The following CXXC5 variants were observed in gnomAD, a reference collection of about 807,000 sequenced individuals.
The protein encoded by CXXC5 is CXXC-type zinc finger protein 5.
Under a neutral mutation model 17.6 loss-of-function variants are expected in CXXC5, and 2 were observed. The ratio of observed to expected loss-of-function variants is 0.11; its 90% CI spans 0.05 to 0.36. CXXC5 has a LOEUF of 0.36. CXXC5 is among the 10% of genes least tolerant of loss of function. CXXC5 has a pLI of 1.00. For synonymous variants in CXXC5, 171 were observed against 193.0 expected (o/e 0.89, Z 0.94); for missense variants, 343 against 458.3 (o/e 0.75, Z 2.30).
chr5:139,656,358 G>A (rs1172987830), intron 1 of CXXC5, among the ~76,000 whole-genome samples: 1 of 152,248 alleles, frequency 6.6e-6, no homozygotes, highest in East Asian at 1.9e-4. Flanking sequence ...GCCTCAGTGG[G>A]CTTGAGTGGC....
At chr5:139,650,509 C>T (rs1159768091) in intron 1 of CXXC5, among the ~76,000 whole-genome samples, 1 of 152,222 alleles carries the variant, frequency 6.6e-6, no homozygotes, top group South Asian at 2.1e-4. Context: ...CAAACAGAGT[C>T]CCTTTCAAGT....
chr5:139,650,483 G>T (rs1755106544), intron 1 of CXXC5, among the ~76,000 whole-genome samples: 1 of 152,220 alleles, frequency 6.6e-6, no homozygotes, highest in African/African-American at 2.4e-5. Flanking sequence ...CGCCGGAGCC[G>T]CCCCAGGGCC....
rs1581604855 is a variant in CXXC5 at position 139,670,975 on chromosome 5, C to G, written c.-160-9389C>G. Among the ~76,000 whole-genome samples the G allele has an allele frequency of 6.6e-6, 1 of 152,208 alleles. No homozygotes were observed. The highest frequency in any genetic ancestry group is 2.1e-4 in the South Asian group (1 of 4,832). The stretch of plus-strand genomic sequence containing the variant: ...ACCATACACACTCCAGCCCCCTGAG[C>G]CCGCTCCCAGGTGCCCAGCATCCTT... On this transcript the variant is annotated intron_variant, in intron 1 of 2. Transcript: ENST00000302517. This position sits in a 1 kb window ranked among gnomAD's most constrained non-coding sequence, Gnocchi z 4.2.
chr5:139,662,549 G>A (rs910654239), intron 1 of CXXC5, among the ~76,000 whole-genome samples: 1 of 152,154 alleles, frequency 6.6e-6, no homozygotes, highest in Non-Finnish European at 1.5e-5. Flanking sequence ...GGTCATTCTG[G>A]GCCTACAGTA....
intron 1 of CXXC5, among the ~76,000 whole-genome samples, chr5:139,674,453 T>A (rs771219104): frequency 1.1e-4 from 16 of 152,092 alleles, no homozygotes; most frequent in Non-Finnish European, 1.3e-4. Flanking sequence ...AGTGGTGCAT[T>A]GAGCCAGGGT....
Position 139,680,499 on chromosome 5 carries a change from G to T in CXXC5, c.-25G>T. On this transcript the variant is annotated 5_prime_UTR_variant, in exon 2 of 3. Coordinates refer to ENST00000302517, the MANE Select transcript of CXXC5 (RefSeq NM_016463.9). ...CGGCAGTTGGCAGGCTCCCTCTGCA[G>T]TGGGGTCTGGGCCTCGGCCCCACCA... 6.5e-7 allele frequency: 1 copy of T among 1,539,112 alleles called. No individual in the cohort carries two copies. The highest frequency in any genetic ancestry group is 8.7e-7 in the Non-Finnish European group (1 of 1,144,520).
At chr5:139,669,260 C>T (rs564990251) in intron 1 of CXXC5, among the ~76,000 whole-genome samples, 3 of 152,316 alleles carry the variant, frequency 2.0e-5, no homozygotes, top group South Asian at 2.1e-4. Flanking sequence ...GCCCGCCTGC[C>T]GTAATGATTT....
Position 139,663,400 on chromosome 5 carries a change from A to T in CXXC5, c.-161+14555A>T, listed in dbSNP as rs1359583739. ...TGTCAGGGCTGTGGGAGATCTAAGA[A>T]GAGCCGACATGAGCTGGCAGGGCTG... On this transcript the variant is annotated intron_variant, in intron 1 of 2. Transcript: ENST00000302517. The surrounding 1 kb of genome is among the most constrained non-coding windows in gnomAD (Gnocchi z 4.2). Among the ~76,000 whole-genome samples the T allele has an allele frequency of 6.6e-6, 1 of 152,122 alleles. No homozygotes were observed. Among genetic ancestry groups the T allele is most frequent in the African/African-American group, 2.4e-5 (1 of 41,404 alleles).
chr5:139,677,772 CAG>C (rs1756936839), intron 1 of CXXC5, among the ~76,000 whole-genome samples: 1 of 152,184 alleles, frequency 6.6e-6, no homozygotes, highest in African/African-American at 2.4e-5. Context: ...AAGAGAGGAA[CAG>C]AACATGAGGT....
chr5:139,672,097 T>A lies in CXXC5; in HGVS notation c.-160-8267T>A, dbSNP rs78316045. Among the ~76,000 whole-genome samples the A allele has an allele frequency of 4.7e-3, 720 of 152,314 alleles. 4 individuals are homozygous for A. The highest frequency in any genetic ancestry group is 0.017 in the Middle Eastern group (5 of 294). On this transcript the variant is annotated intron_variant, in intron 1 of 2. Transcript: ENST00000302517. ...CATTATTAGGACCTGCTGTTTATTT[T>A]TTTTTATTTATTTGTTTGTTTGTTT...
intron 1 of CXXC5, among the ~76,000 whole-genome samples, chr5:139,667,250 C>T (rs1036248163): frequency 5.9e-5 from 9 of 152,208 alleles, no homozygotes; most frequent in Non-Finnish European, 1.2e-4. Flanking sequence ...GCATTTCCTC[C>T]TCCCACCTCA....
At chr5:139,649,944 G>A (rs1423947385) in intron 1 of CXXC5, among the ~76,000 whole-genome samples, 1 of 152,018 alleles carries the variant, frequency 6.6e-6, no homozygotes, top group South Asian at 2.1e-4. Flanking sequence ...TTTCCGGCGG[G>A]GAGCGCGGGG....
intron 1 of CXXC5, among the ~76,000 whole-genome samples, chr5:139,666,939 G>A (rs1001676051): frequency 3.3e-5 from 5 of 152,214 alleles, no homozygotes; most frequent in African/African-American, 1.2e-4. Context: ...CCTGGGCCCT[G>A]CTCCAACGGA....
At chr5:139,681,497 G>T (rs755051994) in intron 2 of CXXC5, 50 bp downstream of exon 2, 1 of 1,517,402 alleles carries the variant, frequency 6.6e-7, no homozygotes, top group Non-Finnish European at 8.8e-7. Flanking sequence ...CTGTCTGGCA[G>T]TCCAAACCCA....
At chr5:139,662,199 T>C (rs1324340407) in intron 1 of CXXC5, among the ~76,000 whole-genome samples, 1 of 152,178 alleles carries the variant, frequency 6.6e-6, no homozygotes, top group Non-Finnish European at 1.5e-5. Context: ...GTCCCCTTAG[T>C]TGCCAAGGCC....
At position 139,682,877 on chromosome 5, in the gene CXXC5, G is replaced by C. The variant is rs369810175; in HGVS notation, c.939G>C (p.Pro313=). Residue 313 remains proline, a synonymous_variant, in exon 3 of 3, where the codon CCG becomes CCC. Transcript: ENST00000302517. ...GCCCCCGCCAGAAGGTGATGCTTCC[G>C]ACGGGAGCCGCCTTCCGGTGGTTTC... ...PSAALEKVML[P]TGAAFRWFQ 4 of 1,594,400 alleles carry C rather than the reference G, an allele frequency of 2.5e-6. No homozygotes were observed. Among genetic ancestry groups the C allele is most frequent in the Non-Finnish European group, 2.6e-6 (3 of 1,170,306 alleles).
rs1483627283 is a variant in CXXC5, at chr5:139,670,373, AACCCTGGG to A, written c.-160-9990_-160-9983del. 6.6e-6 allele frequency among the ~76,000 whole-genome samples: 1 copy of A among 152,188 alleles called. No individual in the cohort carries two copies. Among genetic ancestry groups the A allele is most frequent in the Non-Finnish European group, 1.5e-5 (1 of 68,022 alleles). ...GCTGGGACAGATTCTCAGCTAGTGG[AACCCTGGG>A]TTGGTTTCTCAGAGGCACAAACTGA... is the stretch of plus-strand genomic sequence containing the variant. On this transcript the variant is annotated intron_variant, in intron 1 of 2. Transcript: ENST00000302517. The surrounding 1 kb of genome is among the most constrained non-coding windows in gnomAD (Gnocchi z 4.2).
rs996175203 is a variant in CXXC5 at position 139,681,566 on chromosome 5, C to A, written c.924+119C>A. 24 of 1,269,610 alleles carry A rather than the reference C, an allele frequency of 1.9e-5. No individual in the cohort carries two copies. In the African/African-American group the frequency reaches 2.9e-4, roughly 15 times the overall value. 78.6% of individuals were successfully genotyped at this position (1,269,610 alleles called of 1,614,324 possible). ...GCAAGTGTCTGGGGGATGCCCCCTC[C>A]CAGTCCTTGGGGCCTGGGGGTCTGG... is the stretch of plus-strand genomic sequence containing the variant. On this transcript the variant is annotated intron_variant, in intron 2 of 2. Transcript: ENST00000302517.
At chr5:139,678,771 G>T (rs989104092) in intron 1 of CXXC5, among the ~76,000 whole-genome samples, 1 of 152,170 alleles carries the variant, frequency 6.6e-6, no homozygotes, top group African/African-American at 2.4e-5. Context: ...AGTGTGTGCT[G>T]CCCTCAAGCC....
Sources: allele counts gnomAD v4.1 joint callset (sites outside exome capture counted in the v4.1 genomes callset), GRCh38; gene constraint gnomAD v4.1.1; non-coding constraint Gnocchi (gnomAD v3.1); transcripts MANE v1.5; gene names NCBI Gene and HGNC (gene_info 2026-07-23, HGNC 2026-07-21).